ZNF335: variants seen among roughly 807,000 people sequenced by gnomAD.
The protein encoded by ZNF335 is zinc finger protein 335, also known as NRC-interacting factor 1.
ZNF335 carries 84 observed loss-of-function variants against 145.6 expected under a neutral mutation model. The ratio of observed to expected loss-of-function variants is 0.58; its 90% CI spans 0.48 to 0.69. The LOEUF (loss-of-function observed/expected upper bound fraction) is 0.69, where lower values mean the gene tolerates loss of function less well. Ranked by LOEUF, ZNF335 falls within the 30% of genes least tolerant of loss-of-function variation. The pLI is 0.00. For missense variants in ZNF335, 1,865 were observed against 1,809.7 expected (o/e 1.03, Z -0.55); for synonymous variants, 761 against 717.0 (o/e 1.06, Z -0.98).
intron 22 of ZNF335, 34 bp downstream of exon 22, chr20:45,950,185 T>C: frequency 6.4e-7 from 1 of 1,562,774 alleles, no homozygotes; most frequent in Non-Finnish European, 8.7e-7. Context: ...GGATCTACCC[T>C]GTTGCCCACC....
intron 2 of ZNF335, 76 bp downstream of exon 2, chr20:45,971,134 C>T (rs912425958): frequency 3.5e-6 from 5 of 1,445,154 alleles, no homozygotes; most frequent in Non-Finnish European, 4.5e-6. Flanking sequence ...ACAAACAAGC[C>T]TTGTTTCCTC....
At chr20:45,963,164 T>G (rs1255463982) in intron 9 of ZNF335, among the ~76,000 whole-genome samples, 1 of 152,134 alleles carries the variant, frequency 6.6e-6, no homozygotes, top group East Asian at 1.9e-4. Flanking sequence ...TGGAAATCTT[T>G]CTAACACATG....
intron 24 of ZNF335, 45 bp downstream of exon 24, chr20:45,949,755 G>A (rs946878409): frequency 1.2e-6 from 2 of 1,605,322 alleles, no homozygotes; most frequent in Non-Finnish European, 1.7e-6. Context: ...CTTTGGGAGG[G>A]TAGGAGGTCA....
In ZNF335 at chr20:45,952,451, A is replaced by G; in HGVS notation, c.2885T>C (p.Leu962Pro). The change falls in exon 20 of 28, where the codon CTG (leucine) becomes CCG (proline). Residue 962 changes from leucine to proline, a missense_variant. Physicochemically the swap from Leu to Pro is moderately conservative, Grantham distance 98. Transcript: ENST00000322927. ...GTCTCTGGGCAGTCCCCCACACTGC[A>G]GCAGGGGCCATTTGGCACCAGAGGC... The part of the protein sequence containing the change: ...ALASGAKWPL[L>P]QCGGLPRDGP... The G allele has an allele frequency of 1.3e-6, 2 of 1,564,510 alleles. No homozygotes were observed. The highest frequency in any genetic ancestry group is 1.4e-5 in the African/African-American group (1 of 74,044).
chr20:45,961,841 G>A (rs567032502), intron 10 of ZNF335: 2 of 474,258 alleles, frequency 4.2e-6, no homozygotes, highest in African/African-American at 1.9e-5. Context: ...AGAAACTAAA[G>A]CTCACAAGAG....
chr20:45,958,028 G>T, intron 15 of ZNF335, 100 bp from the exon 16 acceptor site: 2 of 942,164 alleles, frequency 2.1e-6, no homozygotes, highest in Non-Finnish European at 3.4e-6. Context: ...ACATCTGTTG[G>T]CTTGTTTCAT....
At chr20:45,961,285 G>A (rs1344872591) in intron 10 of ZNF335, among the ~76,000 whole-genome samples, 1 of 152,156 alleles carries the variant, frequency 6.6e-6, no homozygotes, top group Non-Finnish European at 1.5e-5. Flanking sequence ...CAGCTACTCG[G>A]AAGGCTGAAG....
At chr20:45,956,075 T>C (rs1217272448) in intron 17 of ZNF335, among the ~76,000 whole-genome samples, 1 of 152,080 alleles carries the variant, frequency 6.6e-6, no homozygotes, top group East Asian at 1.9e-4. Flanking sequence ...GTGATCCCAT[T>C]TTTTAAGGAA....
chr20:45,963,613 A>G lies in ZNF335; in HGVS notation c.1393T>C (p.Phe465Leu), dbSNP rs1843681412. 6.2e-6 allele frequency: 10 copies of G among 1,614,228 alleles called. No homozygotes were observed. Among genetic ancestry groups the G allele is most frequent in the Non-Finnish European group, 8.5e-6 (10 of 1,180,042 alleles). The change falls in exon 9 of 28, where the codon TTC becomes CTC. Residue 465 changes from phenylalanine to leucine, a missense_variant. Physicochemically the swap from Phe to Leu is conservative, Grantham distance 22 (BLOSUM62 0). Coordinates refer to ENST00000322927, the MANE Select transcript of ZNF335 (RefSeq NM_022095.4). Reference protein sequence around the residue: ...YKSPKPLLRPFLCRICGSRFL... With the variant: ...YKSPKPLLRPLLCRICGSRFL... ...CGAGAACCACAGATGCGGCACAGGAAGGGCCTCAAAAGTGGTTTGGGCGAC... is the reference window on the plus strand; with the variant it reads ...CGAGAACCACAGATGCGGCACAGGAGGGGCCTCAAAAGTGGTTTGGGCGAC...
At position 45,950,016 on chromosome 20, in the gene ZNF335, G is replaced by T. The variant is rs1323969046; in HGVS notation, c.3541C>A (p.Leu1181Met). ...VLGPERLQQA[L>M]SQEHIIVAQE... ...GCAACGATGATGTGTTCCTGGCTCA[G>T]TGCCTGCTGTAGCCGCTCTGGGCCC... Residue 1181 changes from leucine (L) to methionine (M), a missense_variant, in exon 23 of 28, where the codon CTG (leucine) becomes ATG (methionine). By Grantham distance (15) the Leu-to-Met change is conservative. Coordinates refer to ENST00000322927, the MANE Select transcript of ZNF335 (RefSeq NM_022095.4). 24 of 1,614,008 alleles carry T rather than the reference G, an allele frequency of 1.5e-5. No homozygotes were observed. The highest frequency in any genetic ancestry group is 1.9e-5 in the Non-Finnish European group (22 of 1,180,030).
rs2083848168 is a variant in ZNF335 at position 45,961,813 on chromosome 20, A to C, written c.1646+257T>G. 6.9e-6 allele frequency: 3 copies of C among 433,898 alleles called. No homozygotes were observed. In the South Asian group the frequency reaches 1.4e-4, roughly 20 times the overall value. The allele number at this position is 433,898 out of a possible 1,614,324, so 26.9% of individuals were successfully genotyped here. A position where few individuals can be genotyped will look rare whatever the true frequency, so the allele number is the denominator to read the frequency against. ...CACAATTTCCTTCAATCCCTTCAAC[A>C]ACTGTCCCCGTTTGATGAGAAACTA... On this transcript the variant is annotated intron_variant, in intron 10 of 27. Coordinates refer to ENST00000322927, the MANE Select transcript of ZNF335 (RefSeq NM_022095.4).
Position 45,966,613 on chromosome 20 carries a change from T to C in ZNF335, c.956-839A>G, listed in dbSNP as rs538464775. Reference sequence around the variant, plus strand: ...TCGCCCAGGCTGGAGTACAGTGGCATGATCTCAACTCACTGCAACCTCTAC... The same window carrying C: ...TCGCCCAGGCTGGAGTACAGTGGCACGATCTCAACTCACTGCAACCTCTAC... On this transcript the variant is annotated intron_variant, in intron 6 of 27. Transcript: ENST00000322927. Among the ~76,000 whole-genome samples the C allele has an allele frequency of 9.5e-3, 1,403 of 147,812 alleles. 12 individuals are homozygous for C. The highest frequency in any genetic ancestry group is 0.014 in the Non-Finnish European group (951 of 67,000).
In ZNF335 at chr20:45,957,865, G is replaced by A; in HGVS notation, c.2317C>T (p.Leu773=). 6.2e-7 allele frequency: 1 copy of A among 1,613,890 alleles called. No individual in the cohort carries two copies. Among genetic ancestry groups the A allele is most frequent in the Non-Finnish European group, 8.5e-7 (1 of 1,179,988 alleles). ...EAPSLLCSDT[L]GGATIIYQQG... is the part of the protein sequence containing the mutation. The stretch of plus-strand genomic sequence containing the variant: ...TGGTAGATGATGGTGGCGCCGCCCA[G>A]GGTGTCAGAACAGAGCAATGAGGGA... The change falls in exon 16 of 28, where the codon CTG becomes TTG. Residue 773 remains leucine (L), a synonymous_variant. Coordinates refer to ENST00000322927, the MANE Select transcript of ZNF335 (RefSeq NM_022095.4).
chr20:45,964,560 T>C (rs2083914197), intron 7 of ZNF335: 1 of 152,520 alleles, frequency 6.6e-6, no homozygotes, highest in African/African-American at 2.4e-5. Context: ...AAATATTAAA[T>C]ATGTACTAGA....
In ZNF335 at chr20:45,967,917, C is replaced by G. The variant is rs772202144; in HGVS notation, c.631G>C (p.Gly211Arg). The G allele has an allele frequency of 5.0e-6, 8 of 1,612,454 alleles. No individual in the cohort carries two copies. In the South Asian group the frequency reaches 7.7e-5, roughly 15 times the overall value. ...AGCTGCACCGGGGAGCTGGGCCCAC[C>G]CTGTGCCTCCAGGCATGTGGATGTG... ...TSTSTCLEAQ[G>R]GPSSPVQLPP... Residue 211 changes from glycine to arginine, a missense_variant, in exon 5 of 28, where the codon GGT (glycine) becomes CGT (arginine). By Grantham distance (125) the Gly-to-Arg change is moderately radical. Coordinates refer to ENST00000322927, the MANE Select transcript of ZNF335 (RefSeq NM_022095.4).
At chr20:45,971,090 G>T in intron 2 of ZNF335, 120 bp downstream of exon 2, 1 of 1,407,374 alleles carries the variant, frequency 7.1e-7, no homozygotes, top group Non-Finnish European at 9.3e-7. Flanking sequence ...TTGGTGCCTG[G>T]CTCACAGTAA....
At chr20:45,952,909 G>T (rs990276630) in intron 18 of ZNF335, among the ~76,000 whole-genome samples, 200 bp from the exon 19 acceptor site, 7 of 152,208 alleles carry the variant, frequency 4.6e-5, no homozygotes, top group Non-Finnish European at 1.0e-4. Context: ...TCAAGCATGG[G>T]TCCTTCTCAA....
At position 45,949,959 on chromosome 20, in the gene ZNF335, C is replaced by T. The variant is rs778699224; in HGVS notation, c.3591+7G>A. 1 of 1,614,174 alleles carries T rather than the reference C, an allele frequency of 6.2e-7. No individual in the cohort carries two copies. Among genetic ancestry groups the T allele is most frequent in the South Asian group, 1.1e-5 (1 of 91,090 alleles). Reference sequence around the variant, plus strand: ...CTGGCCAGAGGGCCCCCAGTCCTGACTCTTACCTGATTGGTCACTGTCTGT... The same window carrying T: ...CTGGCCAGAGGGCCCCCAGTCCTGATTCTTACCTGATTGGTCACTGTCTGT... On this transcript the variant is annotated splice_region_variant and intron_variant, in intron 23 of 27. Coordinates refer to ENST00000322927, the MANE Select transcript of ZNF335 (RefSeq NM_022095.4).
chr20:45,954,270 G>A (rs1405398000), intron 17 of ZNF335, among the ~76,000 whole-genome samples: 2 of 152,178 alleles, frequency 1.3e-5, no homozygotes, highest in African/African-American at 4.8e-5. Flanking sequence ...CAGGGATGCC[G>A]CTGAACACCC....
Sources: gnomAD v4.1 joint callset for allele counts (sites outside exome capture counted in the v4.1 genomes callset) on GRCh38, gnomAD v4.1.1 for gene constraint, MANE v1.5 for transcripts, NCBI Gene and HGNC (gene_info 2026-07-23, HGNC 2026-07-21) for gene names.